PDE12: variants seen among roughly 807,000 people sequenced by gnomAD.
PDE12 encodes the protein 2',5'-phosphodiesterase 12.
PDE12 carries 26 observed loss-of-function variants against 45.4 expected under a neutral mutation model. The ratio of observed to expected loss-of-function variants is 0.57; its 90% confidence interval spans 0.42 to 0.79. The LOEUF (loss-of-function observed/expected upper bound fraction) is 0.79. PDE12 is among the 30% of genes least tolerant of loss of function. PDE12 has a pLI of 0.00. For missense variants in PDE12, 668 were observed against 790.0 expected, an observed-to-expected ratio of 0.85 and a Z score of 1.85; for synonymous variants, 283 against 323.9, an observed-to-expected ratio of 0.87 and a Z score of 1.36.
At chr3:57,654,797 TCTTTA>T in the PDE12 span, 3 of 984,444 alleles carry the variant, frequency 3.0e-6, no homozygotes, top group Admixed American at 6.1e-5. Flanking sequence ...TTTCTAGGTC[TCTTTA>T]CTTTGCTTTC....
the PDE12 span, among the ~76,000 whole-genome samples, chr3:57,655,774 T>C: frequency 6.6e-6 from 1 of 152,176 alleles, no homozygotes; most frequent in East Asian, 1.9e-4. Flanking sequence ...TCCAAAACAC[T>C]TCTGATTCTG....
At chr3:57,580,850 C>T in the PDE12 span, among the ~76,000 whole-genome samples, 13 of 148,910 alleles carry the variant, frequency 8.7e-5, no homozygotes, top group Admixed American at 5.4e-4. Context: ...TGAGCTCAAG[C>T]GATCCTCCCA....
At chr3:57,649,956 T>C in the PDE12 span, among the ~76,000 whole-genome samples, 2 of 150,922 alleles carry the variant, frequency 1.3e-5, no homozygotes, top group African/African-American at 4.9e-5. Flanking sequence ...GGAATACTAC[T>C]CAGCCATAAA....
At chr3:57,651,755 A>G in the PDE12 span, among the ~76,000 whole-genome samples, 1 of 152,222 alleles carries the variant, frequency 6.6e-6, no homozygotes, top group Non-Finnish European at 1.5e-5. Flanking sequence ...AAAGAATGAC[A>G]GAGATATGGC....
the PDE12 span, among the ~76,000 whole-genome samples, chr3:57,589,721 AAAAC>A: frequency 1.3e-5 from 2 of 151,852 alleles, no homozygotes; most frequent in Non-Finnish European, 2.9e-5. Context: ...CCGTCTCAAA[AAAAC>A]AAACAAAAAA....
the PDE12 span, among the ~76,000 whole-genome samples, chr3:57,615,699 G>C: frequency 3.9e-5 from 6 of 152,130 alleles, no homozygotes; most frequent in Non-Finnish European, 8.8e-5. Flanking sequence ...GGCAACCCAG[G>C]AGGCTGAGGC....
At chr3:57,590,907 A>G in the PDE12 span, among the ~76,000 whole-genome samples, 42 of 152,328 alleles carry the variant, frequency 2.8e-4, 5 homozygotes, top group Admixed American at 2.2e-3. Context: ...GCTGCGTAAT[A>G]GTTTAAAATA....
At chr3:57,650,785 A>AT in the PDE12 span, among the ~76,000 whole-genome samples, 114,875 of 143,052 alleles carry the variant, frequency 0.8, 46,396 homozygotes, top group East Asian at 0.96. Context: ...TCCACATGGA[A>AT]TTTTTTTTTT....
At chr3:57,581,665 T>G in the PDE12 span, among the ~76,000 whole-genome samples, 2 of 152,108 alleles carry the variant, frequency 1.3e-5, no homozygotes, top group Non-Finnish European at 2.9e-5. Context: ...CCAGGTGTGG[T>G]GGCGCATGCC....
the PDE12 span, chr3:57,633,142 A>G: frequency 3.3e-3 from 2,608 of 782,142 alleles, 45 homozygotes; most frequent in African/African-American, 0.04. Context: ...TTTATTTTTA[A>G]TCACTAAATA....
At chr3:57,645,728 C>T in the PDE12 span, 2 of 1,613,146 alleles carry the variant, frequency 1.2e-6, no homozygotes, top group Non-Finnish European at 8.5e-7. Context: ...GGTCGGAAAT[C>T]ACTGAAGTAC....
In PDE12 at chr3:57,556,984, A is replaced by G; in HGVS notation, c.605A>G (p.Lys202Arg). The change falls in exon 1 of 3, where the codon AAG (lysine) becomes AGG (arginine). Residue 202 changes from lysine (K) to arginine (R), a missense_variant. Lys to Arg is a conservative substitution (Grantham distance 26, BLOSUM62 2). Transcript: ENST00000311180. This position sits in a 1 kb window ranked among gnomAD's most constrained non-coding sequence, Gnocchi z 5.0. ...SSLFRWYKEA[K>R]PGAAEPEVGV... ...CTTTTCCGCTGGTATAAGGAAGCCAAGCCCGGAGCGGCGGAGCCCGAGGTC... is the reference window on the plus strand; with the variant it reads ...CTTTTCCGCTGGTATAAGGAAGCCAGGCCCGGAGCGGCGGAGCCCGAGGTC... 1 of 1,614,186 alleles carries G rather than the reference A, an allele frequency of 6.2e-7. No individual in the cohort carries two copies. The highest frequency in any genetic ancestry group is 8.5e-7 in the Non-Finnish European group (1 of 1,180,040).
chr3:57,591,209 A>C, the PDE12 span, among the ~76,000 whole-genome samples: 1 of 152,130 alleles, frequency 6.6e-6, no homozygotes, highest in African/African-American at 2.4e-5. Flanking sequence ...TTCCGCTCCT[A>C]AGTATTTATC....
At chr3:57,584,095 T>C in the PDE12 span, 1 of 909,576 alleles carries the variant, frequency 1.1e-6, no homozygotes, top group Non-Finnish European at 1.7e-6. Context: ...ATAGTGTTTT[T>C]AAAGTACTTC....
chr3:57,572,694 T>C, the PDE12 span, among the ~76,000 whole-genome samples: 15 of 152,060 alleles, frequency 9.9e-5, no homozygotes, highest in Admixed American at 8.5e-4. Flanking sequence ...AAGCTACTTC[T>C]ACCTATTCAT....
rs974683127 is a variant in PDE12, at chr3:57,565,350, TAA to T, written c.*5350_*5351del. 2.6e-5 allele frequency: 4 copies of T among 152,210 alleles called. No homozygotes were observed. The highest frequency in any genetic ancestry group is 9.7e-5 in the African/African-American group (4 of 41,450). 9.4% of individuals were successfully genotyped at this position (152,210 alleles called of 1,614,324 possible). On this transcript the variant is annotated 3_prime_UTR_variant, in exon 3 of 3. Transcript: ENST00000311180. ...AGAAAAAAACATATTTATCAACTTT[TAA>T]AAACATTTTATGGGTACATAGTAGG...
At chr3:57,570,204 T>C (rs1008431903), downstream of PDE12, among the ~76,000 whole-genome samples, 4 of 149,590 alleles carry the variant, frequency 2.7e-5, no homozygotes, top group Non-Finnish European at 4.4e-5. Flanking sequence ...CTAATTTCCT[T>C]TTGGTTAATC....
At chr3:57,649,390 T>A in the PDE12 span, among the ~76,000 whole-genome samples, 11 of 152,040 alleles carry the variant, frequency 7.2e-5, no homozygotes, top group Non-Finnish European at 1.0e-4. Context: ...AAGGGAATAC[T>A]TTTACACTGT....
the PDE12 span, among the ~76,000 whole-genome samples, chr3:57,651,583 G>A: frequency 6.6e-6 from 1 of 152,056 alleles, no homozygotes; most frequent in Non-Finnish European, 1.5e-5. Context: ...GGAATTAGCA[G>A]TGATGGTTGC....
Sources: gnomAD v4.1 joint callset for allele counts (sites outside exome capture counted in the v4.1 genomes callset) on GRCh38, gnomAD v4.1.1 for gene constraint, Gnocchi (gnomAD v3.1) non-coding constraint, MANE v1.5 for transcripts, NCBI Gene and HGNC (gene_info 2026-07-23, HGNC 2026-07-21) for gene names.